SLC4A4: variants seen among roughly 807,000 people sequenced by gnomAD.
The protein encoded by SLC4A4 is electrogenic sodium bicarbonate cotransporter 1.
Under a neutral mutation model 111.5 loss-of-function variants are expected in SLC4A4, and 27 were observed. That is an observed-to-expected ratio of 0.24 (90% CI 0.18 to 0.33). The LOEUF (loss-of-function observed/expected upper bound fraction) is 0.33. Among genes scored for constraint, SLC4A4 ranks in the 10% least tolerant of loss-of-function variants. The pLI is 1.00. For synonymous variants in SLC4A4, 443 were observed against 463.4 expected, an observed-to-expected ratio of 0.96 and a Z score of 0.57; for missense variants, 909 against 1,315.5, an observed-to-expected ratio of 0.69 and a Z score of 4.78.
Position 71,213,028 on chromosome 4 carries a change from G to C in SLC4A4, c.-1-23548G>C, listed in dbSNP as rs927473878. The stretch of plus-strand genomic sequence containing the variant: ...TTCAGTACAGTCATGTGCTGTATGG[G>C]TTTGTAGATTAGGAGCAATAGGTTA... On this transcript the variant is annotated intron_variant, in intron 1 of 25. Transcript: ENST00000264485. 3.9e-5 allele frequency among the ~76,000 whole-genome samples: 6 copies of C among 152,168 alleles called. No homozygotes were observed. In the East Asian group the frequency reaches 7.7e-4, roughly 20 times the overall value.
chr4:71,162,666 T>C (rs1391051906), intron 2 of SLC4A4, among the ~76,000 whole-genome samples: 2 of 152,164 alleles, frequency 1.3e-5, no homozygotes, highest in African/African-American at 2.4e-5. Flanking sequence ...AAGAACAATA[T>C]ATTATCACTG....
intron 2 of SLC4A4, among the ~76,000 whole-genome samples, chr4:71,178,300 A>C (rs1483766591): frequency 6.6e-6 from 1 of 152,146 alleles, no homozygotes; most frequent in East Asian, 1.9e-4. Context: ...AAAGAACTAG[A>C]GAAGCAAGAG....
intron 12 of SLC4A4, among the ~76,000 whole-genome samples, chr4:71,461,354 T>C (rs910751217): frequency 2.0e-5 from 3 of 152,130 alleles, no homozygotes; most frequent in Admixed American, 6.6e-5. Flanking sequence ...TAGCCTTTTT[T>C]CCCCTTCTGT....
At chr4:71,480,564 G>A (rs577725264) in intron 14 of SLC4A4, among the ~76,000 whole-genome samples, 1 of 151,692 alleles carries the variant, frequency 6.6e-6, no homozygotes, top group Admixed American at 6.6e-5. Flanking sequence ...TAATCAAAAG[G>A]TACTAGTGTG....
intron 16 of SLC4A4, among the ~76,000 whole-genome samples, chr4:71,523,562 G>A (rs1048036407): frequency 2.6e-5 from 4 of 152,120 alleles, no homozygotes; most frequent in African/African-American, 7.2e-5. Context: ...TGGTTGCAAA[G>A]AGGTAGTCTG....
intron 2 of SLC4A4, among the ~76,000 whole-genome samples, chr4:71,157,494 C>A (rs946771243): frequency 1.3e-5 from 2 of 152,014 alleles, no homozygotes; most frequent in Non-Finnish European, 2.9e-5. Flanking sequence ...AGATCTTTTG[C>A]ATACCAAAAT....
chr4:71,156,085 T>C (rs1001297698), intron 2 of SLC4A4, among the ~76,000 whole-genome samples: 2 of 152,196 alleles, frequency 1.3e-5, no homozygotes, highest in Admixed American at 1.3e-4. Context: ...TTTCCTATTA[T>C]ACATAAAAGC....
chr4:71,101,493 C>A (rs536979963), intron 2 of SLC4A4, among the ~76,000 whole-genome samples: 1 of 152,284 alleles, frequency 6.6e-6, no homozygotes, highest in Non-Finnish European at 1.5e-5. Context: ...GAACTCTTTT[C>A]ATCTTGCAAA....
chr4:71,488,629 C>T (rs992335196), intron 15 of SLC4A4, among the ~76,000 whole-genome samples: 3 of 151,574 alleles, frequency 2.0e-5, no homozygotes, highest in Non-Finnish European at 3.0e-5. Context: ...GGTAAATCAC[C>T]TTTCTTGCTT....
intron 2 of SLC4A4, among the ~76,000 whole-genome samples, chr4:71,146,145 G>T (rs1055581573): frequency 1.3e-5 from 2 of 152,104 alleles, no homozygotes; most frequent in African/African-American, 4.8e-5. Flanking sequence ...CTGGTATGTT[G>T]TGTCTTTGTT....
Position 71,569,960 on chromosome 4 carries a change from A to G in SLC4A4, c.*2209A>G, listed in dbSNP as rs1478591486. 1 of 151,764 alleles carries G rather than the reference A, an allele frequency of 6.6e-6. No individual in the cohort carries two copies. The highest frequency in any genetic ancestry group is 1.9e-4 in the East Asian group (1 of 5,154). 9.4% of individuals were successfully genotyped at this position (151,764 alleles called of 1,614,324 possible). On this transcript the variant is annotated 3_prime_UTR_variant, in exon 26 of 26. Coordinates refer to ENST00000264485, the MANE Select transcript of SLC4A4 (RefSeq NM_001098484.3). The stretch of plus-strand genomic sequence containing the variant: ...CACATTTGTATTTAGGGCTATCCTT[A>G]AAATGATGAGTCTATATTATCTAGC...
intron 2 of SLC4A4, among the ~76,000 whole-genome samples, chr4:71,126,912 G>T (rs2840075): frequency 2.0e-5 from 3 of 152,070 alleles, no homozygotes; most frequent in Non-Finnish European, 2.9e-5. Flanking sequence ...GCACCTTTAC[G>T]TCACCACCAC....
chr4:71,549,106 C>A (rs1270584575), intron 20 of SLC4A4, among the ~76,000 whole-genome samples: 1 of 151,752 alleles, frequency 6.6e-6, no homozygotes, highest in Non-Finnish European at 1.5e-5. Flanking sequence ...TGACTATGTA[C>A]AGAGGGCTGT....
At chr4:71,119,250 A>C (rs1743351680) in intron 2 of SLC4A4, among the ~76,000 whole-genome samples, 2 of 150,760 alleles carry the variant, frequency 1.3e-5, no homozygotes, top group Non-Finnish European at 3.0e-5. Context: ...AATATATCCC[A>C]CTATTTTCTG....
chr4:71,326,627 C>T (rs565113350), intron 3 of SLC4A4, among the ~76,000 whole-genome samples: 3 of 152,128 alleles, frequency 2.0e-5, no homozygotes, highest in Middle Eastern at 6.8e-3. Flanking sequence ...TTGTAAAGTG[C>T]CTTATCTATT....
In SLC4A4 at chr4:71,532,857, T is replaced by C. The variant is rs79565218; in HGVS notation, c.2280+682T>C. On this transcript the variant is annotated intron_variant, in intron 17 of 25. Transcript: ENST00000264485. ...GAAGTCTAGTCTAATACTCTTTTCA[T>C]GCTATGAAACTACCTACCACACGCA... Among the ~76,000 whole-genome samples the C allele has an allele frequency of 4.6e-3, 694 of 152,278 alleles. 7 individuals carry two copies. Among genetic ancestry groups the C allele is most frequent in the African/African-American group, 0.016 (673 of 41,568 alleles).
chr4:71,252,534 A>C (rs964806774), intron 2 of SLC4A4, among the ~76,000 whole-genome samples: 1 of 152,194 alleles, frequency 6.6e-6, no homozygotes, highest in Non-Finnish European at 1.5e-5. Context: ...AGGATGCTTT[A>C]AGTTTTGAAT....
intron 3 of SLC4A4, among the ~76,000 whole-genome samples, chr4:71,271,043 T>C (rs1578722761): frequency 6.6e-6 from 1 of 152,242 alleles, no homozygotes; most frequent in East Asian, 1.9e-4. Flanking sequence ...CTGCTGTGGG[T>C]GCCCACCACT....
At chr4:71,389,707 A>G (rs1211968234) in intron 6 of SLC4A4, among the ~76,000 whole-genome samples, 1 of 152,182 alleles carries the variant, frequency 6.6e-6, no homozygotes, top group Non-Finnish European at 1.5e-5. Context: ...GACTTTGCAC[A>G]GTAGTGTTTA....
Sources: allele counts gnomAD v4.1 joint callset (sites outside exome capture counted in the v4.1 genomes callset), GRCh38; gene constraint gnomAD v4.1.1; transcripts MANE v1.5; gene names NCBI Gene and HGNC (gene_info 2026-07-23, HGNC 2026-07-21).